The following LMBR1L variants were observed in gnomAD, a reference collection of about 807,000 sequenced individuals.
The protein encoded by LMBR1L is protein LMBR1L.
In LMBR1L, 47 loss-of-function variants were observed where a neutral mutation model predicts 67.3. The ratio of observed to expected loss-of-function variants is 0.70; its 90% CI spans 0.55 to 0.89. The LOEUF is 0.89. Among genes scored for constraint, LMBR1L ranks in the 40% least tolerant of loss-of-function variants. The probability of loss-of-function intolerance (pLI) is 0.00; values close to 1 mark genes in which losing one functional copy is unlikely to be tolerated. For missense variants in LMBR1L, 533 were observed against 599.2 expected (o/e 0.89, Z 1.15); for synonymous variants, 247 against 250.3 (o/e 0.99, Z 0.13).
At position 49,097,702 on chromosome 12, in the gene LMBR1L, G is replaced by A. The variant is rs901436718; in HGVS notation, c.1440C>T (p.Pro480=). 3.7e-6 allele frequency: 6 copies of A among 1,613,902 alleles called. No homozygotes were observed. The African/African-American group carries it at 8.0e-5, about 22-fold the overall frequency. Residue 480 remains proline, a synonymous_variant, in exon 17 of 17, where the codon CCC becomes CCT. Coordinates refer to ENST00000267102, the MANE Select transcript of LMBR1L (RefSeq NM_018113.4). ...DRLPLPVSGF[P]QASRKTQHQ ...GGTGCTGGGTCTTCCTAGATGCCTG[G>A]GGGAAACCGGAGACGGGCAGCGGCA...
At position 49,105,859 on chromosome 12, in the gene LMBR1L, C is replaced by A. The variant is rs960765002; in HGVS notation, c.191+65G>T. On this transcript the variant is annotated intron_variant, in intron 3 of 16. Coordinates refer to ENST00000267102, the MANE Select transcript of LMBR1L (RefSeq NM_018113.4). ...GACTTCCCCCTTCTCCCTCCAGCTC[C>A]AGGCCTCCCTAGATCCCAGTTCCTA... 4.4e-6 allele frequency: 6 copies of A among 1,371,142 alleles called. No homozygotes were observed. The Admixed American group carries it at 1.1e-4, about 26-fold the overall frequency. 84.9% of individuals were successfully genotyped at this position (1,371,142 alleles called of 1,614,324 possible).
chr12:49,105,836 C>T, intron 3 of LMBR1L, 88 bp downstream of exon 3: 1 of 1,101,712 alleles, frequency 9.1e-7, no homozygotes, highest in Admixed American at 2.1e-5. Context: ...CTGTGTGAGA[C>T]TTCCCCCTTC....
Position 49,104,066 on chromosome 12 carries a change from C to T in LMBR1L, c.436-253G>A, listed in dbSNP as rs539233771. ...TCATTGTGTGCTCTGGGAGGCTGAC[C>T]TCCGAGGTCTGCATCCCACAAGCTC... On this transcript the variant is annotated intron_variant, in intron 5 of 16. Coordinates refer to ENST00000267102, the MANE Select transcript of LMBR1L (RefSeq NM_018113.4). The T allele has an allele frequency of 4.9e-4, 243 of 500,158 alleles. 3 individuals carry two copies. The highest frequency in any genetic ancestry group is 2.7e-4 in the East Asian group (8 of 30,048). The allele number at this position is 500,158 out of a possible 1,614,324, so 31.0% of individuals were successfully genotyped here.
intron 15 of LMBR1L, 137 bp downstream of exon 15, chr12:49,100,251 C>T (rs1347554612): frequency 1.4e-6 from 1 of 739,092 alleles, no homozygotes; most frequent in East Asian, 2.5e-5. Context: ...TTGCTTTCCT[C>T]ATCTGTATAA....
Position 49,102,302 on chromosome 12 carries a change from C to T in LMBR1L, c.844G>A (p.Val282Ile), listed in dbSNP as rs759686249. ...CTACGAAGCCACATACCCAGCAGGA[C>T]CCTCTGTGTCTGCAGAGCCAGGACC... ...RQVLALQTQR[V>I]LLEKRRKASA... Residue 282 changes from valine to isoleucine, a missense_variant, in exon 10 of 17, where the codon GTC (valine) becomes ATC (isoleucine). This residue lies in a region of LMBR1L where 64 missense variants were observed against 109.0 expected (regional missense o/e 0.59). Transcript: ENST00000267102. 1 of 1,614,188 alleles carries T rather than the reference C, an allele frequency of 6.2e-7. No individual in the cohort carries two copies. Among genetic ancestry groups the T allele is most frequent in the Non-Finnish European group, 8.5e-7 (1 of 1,179,994 alleles).
chr12:49,110,081 C>T, intron 1 of LMBR1L: 2 of 470,322 alleles, frequency 4.3e-6, no homozygotes, highest in South Asian at 1.5e-5. Flanking sequence ...AGTGTGACGA[C>T]GTCTCCCCTT....
At position 49,104,565 on chromosome 12, in the gene LMBR1L, G is replaced by C; in HGVS notation, c.332-14C>G. 6.2e-7 allele frequency: 1 copy of C among 1,606,300 alleles called. No individual in the cohort carries two copies. Among genetic ancestry groups the C allele is most frequent in the South Asian group, 1.1e-5 (1 of 90,918 alleles). On this transcript the variant is annotated splice_polypyrimidine_tract_variant and intron_variant, in intron 4 of 16. Coordinates refer to ENST00000267102, the MANE Select transcript of LMBR1L (RefSeq NM_018113.4). ...GGTTCCAGAGGCCTAGAGCAAAAAA[G>C]GAAGAGCAGAAGTGGTCAGTAAGGG...
chr12:49,098,978 CTTTTT>C (rs757291862), intron 15 of LMBR1L, among the ~76,000 whole-genome samples: 7 of 138,272 alleles, frequency 5.1e-5, no homozygotes, highest in Non-Finnish European at 7.9e-5. Context: ...ATTAAAAACA[CTTTTT>C]TTTTTTTTTT....
At chr12:49,100,286 T>G in intron 15 of LMBR1L, 102 bp downstream of exon 15, 1 of 909,084 alleles carries the variant, frequency 1.1e-6, no homozygotes, top group Non-Finnish European at 1.8e-6. Context: ...ACTCATGGGT[T>G]TGTTGTGGGA....
intron 15 of LMBR1L, among the ~76,000 whole-genome samples, chr12:49,099,664 C>A (rs1177531331): frequency 6.6e-6 from 1 of 152,048 alleles, no homozygotes; most frequent in Non-Finnish European, 1.5e-5. Flanking sequence ...TCACCGCAAC[C>A]TTTGCCTCCC....
At chr12:49,104,133 GA>G in intron 5 of LMBR1L, 3 of 473,220 alleles carry the variant, frequency 6.3e-6, no homozygotes, top group South Asian at 3.0e-5. Context: ...ATGGAAGGTA[GA>G]AAAAAGGTGA....
At chr12:49,102,829 G>T in intron 8 of LMBR1L, 58 bp downstream of exon 8, 2 of 1,498,720 alleles carry the variant, frequency 1.3e-6, no homozygotes, top group Non-Finnish European at 1.9e-6. Flanking sequence ...TCATTGTTTG[G>T]TTCCAGCTCT....
chr12:49,102,618 C>A, intron 8 of LMBR1L, 78 bp from the exon 9 acceptor site: 1 of 1,440,002 alleles, frequency 6.9e-7, no homozygotes, highest in Non-Finnish European at 9.7e-7. Flanking sequence ...CTGTTCTTCC[C>A]AGGGCTCCGT....
At chr12:49,106,256 T>C (rs1163634017) in intron 2 of LMBR1L, among the ~76,000 whole-genome samples, 1 of 152,040 alleles carries the variant, frequency 6.6e-6, no homozygotes, top group Non-Finnish European at 1.5e-5. Flanking sequence ...AAACTATTAA[T>C]ATAATAAACA....
In LMBR1L at chr12:49,102,545, G is replaced by C. The variant is rs1368223794; in HGVS notation, c.697-5C>G. On this transcript the variant is annotated splice_region_variant and splice_polypyrimidine_tract_variant and intron_variant, in intron 8 of 16. Coordinates refer to ENST00000267102, the MANE Select transcript of LMBR1L (RefSeq NM_018113.4). ...CTCCTCCAGGTCTTCCAGCAGCTAG[G>C]GGCAGGGGAAAGGAAGAGACTAACT... 8.1e-6 allele frequency: 13 copies of C among 1,613,888 alleles called. No homozygotes were observed. The highest frequency in any genetic ancestry group is 2.2e-5 in the East Asian group (1 of 44,886).
At chr12:49,098,978 CTT>C (rs757291862) in intron 15 of LMBR1L, among the ~76,000 whole-genome samples, 17 of 138,188 alleles carry the variant, frequency 1.2e-4, no homozygotes, top group Non-Finnish European at 1.1e-4. Flanking sequence ...ATTAAAAACA[CTT>C]TTTTTTTTTT....
chr12:49,104,961 T>C, intron 3 of LMBR1L, 76 bp from the exon 4 acceptor site: 1 of 1,492,584 alleles, frequency 6.7e-7, no homozygotes, highest in East Asian at 2.5e-5. Flanking sequence ...CCATTTGTCC[T>C]GAGGGCGCCT....
intron 1 of LMBR1L, chr12:49,109,777 A>C (rs1208783275): frequency 2.2e-6 from 1 of 455,630 alleles, no homozygotes. Context: ...TGTCGCTCTA[A>C]GTGGCAGGGA....
chr12:49,102,773 G>T, intron 8 of LMBR1L, 114 bp downstream of exon 8: 1 of 1,023,156 alleles, frequency 9.8e-7, no homozygotes, highest in Non-Finnish European at 1.5e-6. Flanking sequence ...ACCAACAAAG[G>T]CTGTAGCTCT....
Sources: allele counts gnomAD v4.1 joint callset (sites outside exome capture counted in the v4.1 genomes callset), GRCh38; gene constraint gnomAD v4.1.1; regional missense constraint gnomAD v4.1.1; transcripts MANE v1.5; gene names NCBI Gene and HGNC (gene_info 2026-07-23, HGNC 2026-07-21).